MACROD2: variants seen among roughly 807,000 people sequenced by gnomAD.
MACROD2 encodes mono-ADP ribosylhydrolase 2.
A neutral mutation model predicts 70.4 loss-of-function variants in MACROD2; 36 were observed. That is an observed-to-expected ratio of 0.51 (90% CI 0.39 to 0.68). MACROD2 has a LOEUF of 0.68. Ranked by LOEUF, MACROD2 falls within the 30% of genes least tolerant of loss-of-function variation. The pLI, the probability that MACROD2 is intolerant of heterozygous loss-of-function variation, is 0.00. For synonymous variants in MACROD2, 172 were observed against 178.8 expected, an observed-to-expected ratio of 0.96 and a Z score of 0.30; for missense variants, 496 against 538.4, an observed-to-expected ratio of 0.92 and a Z score of 0.78.
chr20:14,814,477 A>C (rs2072750858), intron 5 of MACROD2, among the ~76,000 whole-genome samples: 1 of 152,070 alleles, frequency 6.6e-6, no homozygotes, highest in African/African-American at 2.4e-5. Flanking sequence ...AAGACATTCT[A>C]CTGGTCTGTG....
intron 5 of MACROD2, among the ~76,000 whole-genome samples, chr20:14,859,163 C>T (rs929017128): frequency 1.3e-5 from 2 of 152,070 alleles, no homozygotes; most frequent in African/African-American, 4.8e-5. Flanking sequence ...GCACTAAAAT[C>T]TCAGAAATTA....
At chr20:15,982,159 C>G (rs1217253428) in intron 13 of MACROD2, among the ~76,000 whole-genome samples, 1 of 152,098 alleles carries the variant, frequency 6.6e-6, no homozygotes, top group Admixed American at 6.5e-5. Flanking sequence ...CTTAATCTTA[C>G]TTTAAAGACT....
At chr20:14,088,658 C>T (rs1395301206) in intron 3 of MACROD2, among the ~76,000 whole-genome samples, 1 of 152,186 alleles carries the variant, frequency 6.6e-6, no homozygotes, top group Non-Finnish European at 1.5e-5. Context: ...CGTTAGCACA[C>T]ACTTAATACA....
intron 5 of MACROD2, among the ~76,000 whole-genome samples, chr20:14,763,254 TC>T (rs2072040885): frequency 2.0e-5 from 3 of 152,150 alleles, no homozygotes; most frequent in Non-Finnish European, 4.4e-5. Context: ...AGAAAGGTAT[TC>T]ACAACATACA....
chr20:14,697,489 G>T (rs6135225), intron 5 of MACROD2, among the ~76,000 whole-genome samples: 52,022 of 151,962 alleles, frequency 0.34, 9,469 homozygotes, highest in East Asian at 0.59. Context: ...TTGTGCAATG[G>T]CAGGATTTCT....
intron 4 of MACROD2, among the ~76,000 whole-genome samples, chr20:14,652,476 A>G (rs1985727318): frequency 6.6e-6 from 1 of 152,158 alleles, no homozygotes; most frequent in African/African-American, 2.4e-5. Context: ...ACTGAGAAAA[A>G]CAGTATGAGA....
At chr20:15,400,760 T>G (rs1270642722) in intron 6 of MACROD2, among the ~76,000 whole-genome samples, 2 of 152,202 alleles carry the variant, frequency 1.3e-5, no homozygotes, top group Non-Finnish European at 2.9e-5. Flanking sequence ...ACATTTGCCT[T>G]TGGCATATTT....
intron 3 of MACROD2, among the ~76,000 whole-genome samples, chr20:14,280,151 A>G (rs1218804372): frequency 2.0e-5 from 3 of 152,168 alleles, no homozygotes; most frequent in African/African-American, 4.8e-5. Context: ...CACATACAGA[A>G]AAACATGATC....
chr20:15,165,802 G>A (rs1376246547), intron 5 of MACROD2, among the ~76,000 whole-genome samples: 1 of 151,972 alleles, frequency 6.6e-6, no homozygotes, highest in Non-Finnish European at 1.5e-5. Flanking sequence ...GAATATAAGG[G>A]TTTTTTTAAC....
intron 4 of MACROD2, among the ~76,000 whole-genome samples, chr20:14,684,221 C>T (rs772911639): frequency 3.8e-4 from 58 of 152,242 alleles, no homozygotes; most frequent in African/African-American, 1.3e-3. Context: ...TCTACCCTTG[C>T]GCAGCACCCA....
intron 8 of MACROD2, among the ~76,000 whole-genome samples, chr20:15,624,486 G>C (rs577277321): frequency 2.4e-4 from 37 of 152,132 alleles, no homozygotes; most frequent in African/African-American, 8.9e-4. Flanking sequence ...ATCATTTTAG[G>C]CATCATTTCA....
chr20:15,118,385 G>T (rs538765473), intron 5 of MACROD2, among the ~76,000 whole-genome samples: 4 of 152,024 alleles, frequency 2.6e-5, no homozygotes, highest in Admixed American at 2.6e-4. Context: ...TAGAGACGGG[G>T]TTTCACCATG....
intron 3 of MACROD2, among the ~76,000 whole-genome samples, chr20:14,197,066 T>C (rs2081438647): frequency 6.6e-6 from 1 of 152,252 alleles, no homozygotes; most frequent in African/African-American, 2.4e-5. Context: ...CCAGGACATA[T>C]AGTTAAGTCC....
At chr20:14,227,373 G>A (rs1240293957) in intron 3 of MACROD2, among the ~76,000 whole-genome samples, 1 of 152,046 alleles carries the variant, frequency 6.6e-6, no homozygotes, top group East Asian at 1.9e-4. Context: ...TCTCTCTTTG[G>A]GTCCACGCTA....
At chr20:14,692,299 T>C (rs1468285737) in intron 5 of MACROD2, among the ~76,000 whole-genome samples, 2 of 152,212 alleles carry the variant, frequency 1.3e-5, no homozygotes, top group African/African-American at 4.8e-5. Flanking sequence ...AGATTTCTTT[T>C]GGCTTTACAA....
intron 4 of MACROD2, chr20:14,627,035 A>G (rs1002692984): frequency 6.6e-6 from 1 of 152,182 alleles, no homozygotes; most frequent in African/African-American, 2.4e-5. Context: ...AGTTTGTCCC[A>G]CTAACTTTCC....
At chr20:15,708,862 A>T (rs1357421905) in intron 8 of MACROD2, among the ~76,000 whole-genome samples, 1 of 151,980 alleles carries the variant, frequency 6.6e-6, no homozygotes, top group African/African-American at 2.4e-5. Flanking sequence ...TCATCTCTAC[A>T]AATAAATAAA....
chr20:14,990,915 AG>A (rs1332373243), intron 5 of MACROD2, among the ~76,000 whole-genome samples: 1 of 152,216 alleles, frequency 6.6e-6, no homozygotes, highest in African/African-American at 2.4e-5. Flanking sequence ...GTTATTGATA[AG>A]AAAAGTTATG....
At chr20:15,390,647 T>C (rs2045780067) in intron 6 of MACROD2, among the ~76,000 whole-genome samples, 1 of 152,110 alleles carries the variant, frequency 6.6e-6, no homozygotes, top group Non-Finnish European at 1.5e-5. Flanking sequence ...GCTAAAGAAC[T>C]TAGCTTCCAT....
Sources: gnomAD v4.1 joint callset for allele counts (sites outside exome capture counted in the v4.1 genomes callset) on GRCh38, gnomAD v4.1.1 for gene constraint, MANE v1.5 for transcripts, NCBI Gene and HGNC (gene_info 2026-07-23, HGNC 2026-07-21) for gene names.